Variants in FOXP4 observed in about 807,000 individuals in gnomAD.
The protein encoded by FOXP4 is forkhead box P4.
Under a neutral mutation model 82.6 loss-of-function variants are expected in FOXP4, and 25 were observed. The observed-to-expected ratio is 0.30, with a 90% CI of 0.22 to 0.42. FOXP4 has a LOEUF of 0.42. Ranked by LOEUF, FOXP4 falls within the 10% of genes least tolerant of loss-of-function variation. The pLI is 1.00. For missense variants in FOXP4, 785 were observed against 900.9 expected (o/e 0.87, Z 1.65); for synonymous variants, 415 against 388.2 (o/e 1.07, Z -0.81).
chr6:41,592,901 C>A (rs537507218), intron 13 of FOXP4, among the ~76,000 whole-genome samples: 1 of 152,256 alleles, frequency 6.6e-6, no homozygotes, highest in South Asian at 2.1e-4. Flanking sequence ...TGTGTTCCTC[C>A]TAGTTCTTCA....
chr6:41,580,087 G>A lies in FOXP4; in HGVS notation c.300+2006G>A, dbSNP rs890137767. On this transcript the variant is annotated intron_variant, in intron 3 of 16. Coordinates refer to ENST00000307972, the MANE Select transcript of FOXP4 (RefSeq NM_001012426.2). ...TGAGATGGAGTCTCTTGTTGCCCAG[G>A]CTGGAGTGCAATGCCGTGATTTCAG... Among the ~76,000 whole-genome samples, 3 of 147,558 alleles carry A rather than the reference G, an allele frequency of 2.0e-5. No homozygotes were observed. The Admixed American group carries it at 2.1e-4, about 10-fold the overall frequency.
At chr6:41,590,498 G>C (rs115245979) in intron 12 of FOXP4, 151 bp downstream of exon 12, 2 of 788,884 alleles carry the variant, frequency 2.5e-6, no homozygotes, top group Admixed American at 5.4e-5. Flanking sequence ...TCTGCTGTGC[G>C]GGGCTCTCCT....
At chr6:41,563,714 T>C (rs1285603153) in intron 1 of FOXP4, among the ~76,000 whole-genome samples, 1 of 152,186 alleles carries the variant, frequency 6.6e-6, no homozygotes. Flanking sequence ...TCAGGTGCCA[T>C]GTGCATGTTT....
At position 41,546,440 on chromosome 6, in the gene FOXP4, C is replaced by T. The variant is rs1236354424; in HGVS notation, c.-444C>T. The T allele has an allele frequency of 1.3e-5, 2 of 150,798 alleles. No homozygotes were observed. Among genetic ancestry groups the T allele is most frequent in the African/African-American group, 4.9e-5 (2 of 41,184 alleles). 9.3% of individuals were successfully genotyped at this position (150,798 alleles called of 1,614,324 possible). On this transcript the variant is annotated 5_prime_UTR_variant, in exon 1 of 17. Coordinates refer to ENST00000307972, the MANE Select transcript of FOXP4 (RefSeq NM_001012426.2). ...GTCCGGAGCCCGCCGTCCCTGCGGA[C>T]CGGACAGTGCGGCCGGCGGCCGGCG...
intron 2 of FOXP4, chr6:41,570,098 A>ACACACACACC: frequency 3.2e-6 from 1 of 313,568 alleles, no homozygotes; most frequent in Non-Finnish European, 6.4e-6. Context: ...ACACACACAC[A>ACACACACACC]CACACACACA....
chr6:41,547,553 G>A (rs1763717956), intron 1 of FOXP4: 1 of 152,336 alleles, frequency 6.6e-6, no homozygotes, highest in Non-Finnish European at 1.5e-5. Flanking sequence ...CCATCGCTCG[G>A]TCAGCTCGGG....
At chr6:41,566,443 A>G (rs2127351062) in intron 2 of FOXP4, among the ~76,000 whole-genome samples, 1 of 152,340 alleles carries the variant, frequency 6.6e-6, no homozygotes, top group South Asian at 2.1e-4. Flanking sequence ...CCAGCAGTGA[A>G]GAGAGGCCCA....
chr6:41,601,848 G>A lies in FOXP4; in HGVS notation c.*2912G>A, dbSNP rs888226858. 6.6e-6 allele frequency: 1 copy of A among 152,214 alleles called. No individual in the cohort carries two copies. Among genetic ancestry groups the A allele is most frequent in the African/African-American group, 2.4e-5 (1 of 41,434 alleles). 9.4% of individuals were successfully genotyped at this position (152,214 alleles called of 1,614,324 possible). ...AAAGGAGTCCCAGGCCTGTCCCTAG[G>A]GACAAGGCCCAGGGAAGAGTGTATT... On this transcript the variant is annotated 3_prime_UTR_variant, in exon 17 of 17. Coordinates refer to ENST00000307972, the MANE Select transcript of FOXP4 (RefSeq NM_001012426.2).
Position 41,593,702 on chromosome 6 carries a change from C to T in FOXP4, c.1537-1168C>T, listed in dbSNP as rs1275137498. 2.0e-5 allele frequency among the ~76,000 whole-genome samples: 3 copies of T among 152,164 alleles called. No individual in the cohort carries two copies. The highest frequency in any genetic ancestry group is 2.4e-5 in the African/African-American group (1 of 41,422). ...TCGCTCCAAGAGATTCCACTCCAGC[C>T]GCCCGCCTCCCTCGTGGATTAGCAA... On this transcript the variant is annotated intron_variant, in intron 13 of 16. Coordinates refer to ENST00000307972, the MANE Select transcript of FOXP4 (RefSeq NM_001012426.2). The surrounding 1 kb of genome is among the most constrained non-coding windows in gnomAD (Gnocchi z 4.1).
chr6:41,556,682 G>A (rs780132946), intron 1 of FOXP4, among the ~76,000 whole-genome samples: 20 of 152,114 alleles, frequency 1.3e-4, no homozygotes, highest in Non-Finnish European at 2.5e-4. Flanking sequence ...GCCTTGCTGC[G>A]TCATGGCTCA....
At chr6:41,586,907 G>A (rs1766164118) in intron 5 of FOXP4, 102 bp from the exon 6 acceptor site, 1 of 1,449,224 alleles carries the variant, frequency 6.9e-7, no homozygotes, top group Non-Finnish European at 9.1e-7. Context: ...AGCTCCAGGG[G>A]CTGACAGGCC....
chr6:41,595,521 C>G (rs1372520111), intron 14 of FOXP4, among the ~76,000 whole-genome samples: 2 of 152,142 alleles, frequency 1.3e-5, no homozygotes, highest in Non-Finnish European at 2.9e-5. Context: ...CCCTCCTGGT[C>G]TTTTGTGCTC....
At chr6:41,561,312 C>T (rs1178324080) in intron 1 of FOXP4, among the ~76,000 whole-genome samples, 1 of 136,506 alleles carries the variant, frequency 7.3e-6, no homozygotes, top group Non-Finnish European at 1.6e-5. Flanking sequence ...ACTCGGCCTC[C>T]GGTGCTATCT....
chr6:41,587,928 AGCCTTTCCCCACAGG>A, intron 8 of FOXP4, 31 bp downstream of exon 8: 15 of 1,193,324 alleles, frequency 1.3e-5, no homozygotes, highest in Non-Finnish European at 1.8e-5. Context: ...CTCCCCCAGC[AGCCTTTCCCCACAGG>A]GCCTCTCCCC....
intron 2 of FOXP4, among the ~76,000 whole-genome samples, 186 bp from the exon 3 acceptor site, chr6:41,577,800 C>T (rs151053051): frequency 6.6e-6 from 1 of 152,280 alleles, no homozygotes; most frequent in Non-Finnish European, 1.5e-5. Flanking sequence ...GATCCCTGAA[C>T]CCCAACAGCT....
At chr6:41,588,849 A>G in intron 9 of FOXP4, 118 bp downstream of exon 9, 1 of 1,092,122 alleles carries the variant, frequency 9.2e-7, no homozygotes, top group East Asian at 2.4e-5. Flanking sequence ...CCTATGGTCA[A>G]AGCCACCATC....
Position 41,559,658 on chromosome 6 carries a change from C to G in FOXP4, c.-16-6087C>G, listed in dbSNP as rs139807823. On this transcript the variant is annotated intron_variant, in intron 1 of 16. Coordinates refer to ENST00000307972, the MANE Select transcript of FOXP4 (RefSeq NM_001012426.2). ...ACATTTCACTTTCCTTCAGGTAGAT[C>G]CCCAGTGCTTAGCTTAATGGGGCCC... is the stretch of plus-strand genomic sequence containing the variant. Among the ~76,000 whole-genome samples the G allele has an allele frequency of 3.7e-3, 563 of 152,308 alleles. 4 individuals carry two copies. The highest frequency in any genetic ancestry group is 0.013 in the African/African-American group (530 of 41,568).
chr6:41,555,734 T>C (rs931686332), intron 1 of FOXP4, among the ~76,000 whole-genome samples: 3 of 152,232 alleles, frequency 2.0e-5, no homozygotes, highest in Non-Finnish European at 4.4e-5. Context: ...CAGCTCCGAA[T>C]CAATGGCTTT....
At chr6:41,586,149 G>A (rs1283998680) in intron 5 of FOXP4, among the ~76,000 whole-genome samples, 1 of 152,046 alleles carries the variant, frequency 6.6e-6, no homozygotes, top group Non-Finnish European at 1.5e-5. Context: ...AGGCTGCCCT[G>A]ACACCCAGGA....
Sources: allele counts gnomAD v4.1 joint callset (sites outside exome capture counted in the v4.1 genomes callset), GRCh38; gene constraint gnomAD v4.1.1; non-coding constraint Gnocchi (gnomAD v3.1); transcripts MANE v1.5; gene names NCBI Gene and HGNC (gene_info 2026-07-23, HGNC 2026-07-21).